CFTR: variants seen among roughly 807,000 people sequenced by gnomAD.
CFTR encodes the protein CF transmembrane conductance regulator, also known as cystic fibrosis transmembrane conductance regulator.
A neutral mutation model predicts 171.6 loss-of-function variants in CFTR; 181 were observed. That is an observed-to-expected ratio of 1.05 (90% confidence interval 0.93 to 1.19). The LOEUF (loss-of-function observed/expected upper bound fraction) is 1.19. Among genes scored for constraint, CFTR ranks in the 50% most tolerant of loss-of-function variants. The pLI is 0.00. For synonymous variants in CFTR, 583 were observed against 608.0 expected, an observed-to-expected ratio of 0.96 and a Z score of 0.60; for missense variants, 1,968 against 1,734.7, an observed-to-expected ratio of 1.13 and a Z score of -2.39.
intron 15 of CFTR, 82 bp downstream of exon 15, chr7:117,595,140 C>A: frequency 9.0e-7 from 1 of 1,105,962 alleles, no homozygotes; most frequent in Non-Finnish European, 1.3e-6. Flanking sequence ...TATATGCACA[C>A]ACATAAATAT....
At chr7:117,594,658 A>G (rs1467761493) in intron 14 of CFTR, among the ~76,000 whole-genome samples, 1 of 152,198 alleles carries the variant, frequency 6.6e-6, no homozygotes, top group Admixed American at 6.5e-5. Flanking sequence ...AAAATTGTCC[A>G]ATAATAATAC....
At chr7:117,524,053 T>C (rs1798729438) in intron 3 of CFTR, among the ~76,000 whole-genome samples, 1 of 152,212 alleles carries the variant, frequency 6.6e-6, no homozygotes, top group Non-Finnish European at 1.5e-5. Flanking sequence ...AGTTCTATAT[T>C]CTTTGAGATA....
In CFTR at chr7:117,642,463, C is replaced by G. The variant is rs148122007; in HGVS notation, c.3743C>G (p.Ser1248Ter). ...QRVGLLGRTG[S>*]GKSTLLSAFL... The stretch of plus-strand genomic sequence containing the variant: ...GTGGGCCTCTTGGGAAGAACTGGAT[C>G]AGGGAAGAGTACTTTGTTATCAGCT... The change falls in exon 23 of 27, where the codon TCA (serine) becomes TGA (stop). Residue 1248 changes from serine (S) to a stop codon, truncating the protein, a stop_gained. Coordinates refer to ENST00000003084, the MANE Select transcript of CFTR (RefSeq NM_000492.4). LOFTEE classifies it high-confidence loss of function. The G allele has an allele frequency of 1.2e-6, 2 of 1,613,598 alleles. No homozygotes were observed. The highest frequency in any genetic ancestry group is 1.3e-5 in the African/African-American group (1 of 74,998).
chr7:117,631,577 G>A (rs375970357), intron 22 of CFTR, among the ~76,000 whole-genome samples: 1 of 152,124 alleles, frequency 6.6e-6, no homozygotes, highest in African/African-American at 2.4e-5. Context: ...GAAGCCACCC[G>A]ATAAGCCTTA....
At chr7:117,532,459 A>T (rs1297804645) in intron 4 of CFTR, among the ~76,000 whole-genome samples, 1 of 152,206 alleles carries the variant, frequency 6.6e-6, no homozygotes, top group Non-Finnish European at 1.5e-5. Flanking sequence ...AGTACAGAAC[A>T]TGGTGTGAAC....
chr7:117,641,969 T>C (rs1178225584), intron 22 of CFTR, among the ~76,000 whole-genome samples: 1 of 152,208 alleles, frequency 6.6e-6, no homozygotes, highest in Non-Finnish European at 1.5e-5. Flanking sequence ...GGCTTGAACT[T>C]CACCAAATTA....
intron 23 of CFTR, 120 bp downstream of exon 23, chr7:117,642,713 C>CT: frequency 9.2e-7 from 1 of 1,082,014 alleles, no homozygotes; most frequent in Non-Finnish European, 1.4e-6. Flanking sequence ...GCATTGCTGT[C>CT]TTTTTTCTCC....
intron 12 of CFTR, among the ~76,000 whole-genome samples, chr7:117,588,132 A>T (rs1413657280): frequency 6.6e-6 from 1 of 152,064 alleles, no homozygotes; most frequent in African/African-American, 2.4e-5. Flanking sequence ...ATAATACTGG[A>T]CAGAGAAGAT....
chr7:117,665,727 C>T (rs1424317988), intron 26 of CFTR, among the ~76,000 whole-genome samples, 163 bp downstream of exon 26: 1 of 152,198 alleles, frequency 6.6e-6, no homozygotes, highest in Non-Finnish European at 1.5e-5. Context: ...ACAAGTTTTT[C>T]ACTTTGATCT....
intron 22 of CFTR, among the ~76,000 whole-genome samples, chr7:117,629,485 A>G (rs1292773509): frequency 6.6e-6 from 1 of 152,218 alleles, no homozygotes; most frequent in Non-Finnish European, 1.5e-5. Context: ...GGTCATTTCA[A>G]AGTTACTTTT....
intron 23 of CFTR, among the ~76,000 whole-genome samples, chr7:117,647,011 T>C (rs1793004626): frequency 6.6e-6 from 1 of 152,218 alleles, no homozygotes; most frequent in Non-Finnish European, 1.5e-5. Flanking sequence ...TGCAAATATA[T>C]GTAAATATTA....
intron 24 of CFTR, among the ~76,000 whole-genome samples, chr7:117,660,641 A>G (rs1324338446): frequency 6.6e-6 from 1 of 151,756 alleles, no homozygotes; most frequent in African/African-American, 2.4e-5. Context: ...AAAAGGAAGA[A>G]AGAAAGATTA....
chr7:117,538,976 C>T (rs1362600678), intron 7 of CFTR, among the ~76,000 whole-genome samples: 1 of 152,172 alleles, frequency 6.6e-6, no homozygotes, highest in Non-Finnish European at 1.5e-5. Flanking sequence ...TAGTTCTGCA[C>T]TTGAGAATGA....
At chr7:117,540,002 A>G (rs1441725635) in intron 7 of CFTR, 98 bp from the exon 8 acceptor site, 1 of 1,040,366 alleles carries the variant, frequency 9.6e-7, no homozygotes, top group Non-Finnish European at 1.4e-6. Flanking sequence ...TATAGGCAGA[A>G]AGACTCTAGA....
At chr7:117,612,052 T>TAC (rs35105447) in intron 20 of CFTR, among the ~76,000 whole-genome samples, 28 of 70,874 alleles carry the variant, frequency 4.0e-4, no homozygotes, top group South Asian at 1.2e-3. Flanking sequence ...TATATATATA[T>TAC]ACATATATAT....
At chr7:117,503,548 C>G (rs4148689) in intron 1 of CFTR, among the ~76,000 whole-genome samples, 38,105 of 151,966 alleles carry the variant, frequency 0.25, 5,039 homozygotes, top group East Asian at 0.42. Context: ...AAAATCACTA[C>G]GGTATCCTGC....
chr7:117,574,815 TG>T (rs1371925812), intron 11 of CFTR, among the ~76,000 whole-genome samples: 1 of 152,130 alleles, frequency 6.6e-6, no homozygotes. Context: ...GTAGCTTTTT[TG>T]TGTGTGGCTT....
chr7:117,542,288 T>G (rs1391915120), intron 9 of CFTR, among the ~76,000 whole-genome samples, 180 bp downstream of exon 9: 1 of 152,242 alleles, frequency 6.6e-6, no homozygotes, highest in East Asian at 1.9e-4. Flanking sequence ...TGCTCATGGT[T>G]GTAATCCCAG....
At chr7:117,515,821 T>C (rs1036614526) in intron 3 of CFTR, among the ~76,000 whole-genome samples, 1 of 152,202 alleles carries the variant, frequency 6.6e-6, no homozygotes, top group East Asian at 1.9e-4. Context: ...TTCTCTCTTA[T>C]TTCCTTGAGC....
Sources: gnomAD v4.1 joint callset for allele counts (sites outside exome capture counted in the v4.1 genomes callset) on GRCh38, gnomAD v4.1.1 for gene constraint, MANE v1.5 for transcripts, NCBI Gene and HGNC (gene_info 2026-07-23, HGNC 2026-07-21) for gene names.